The following ARL14EPL variants were observed in gnomAD, a reference collection of about 807,000 sequenced individuals.
The protein encoded by ARL14EPL is ARF like GTPase 14 effector protein like.
In ARL14EPL, 17 loss-of-function variants were observed where a neutral mutation model predicts 15.9. The ratio of observed to expected loss-of-function variants is 1.07; its 90% CI spans 0.73 to 1.60. The LOEUF (loss-of-function observed/expected upper bound fraction) is 1.60. ARL14EPL is among the 40% of genes most tolerant of loss of function. The pLI, the probability that ARL14EPL is intolerant of heterozygous loss-of-function variation, is 0.00. For synonymous variants in ARL14EPL, 78 were observed against 63.8 expected, an observed-to-expected ratio of 1.22 and a Z score of -1.06; for missense variants, 214 against 185.9, an observed-to-expected ratio of 1.15 and a Z score of -0.88.
chr5:116,054,054 AC>A lies in ARL14EPL; in HGVS notation c.140del (p.Pro47LeufsTer5). ...ERQLKCLAFR[N>X]PGPQVADFNP... is the part of the protein sequence containing the mutation. ...CAGTTAAAATGCTTGGCATTTCGAAACCCTGGACCACAGGTAGCAGACTTTA... is the reference window on the plus strand; with the variant it reads ...CAGTTAAAATGCTTGGCATTTCGAAACCTGGACCACAGGTAGCAGACTTTA... On this transcript the variant is annotated frameshift_variant, in exon 3 of 4. Coordinates refer to ENST00000686077, the MANE Select transcript of ARL14EPL (RefSeq NM_001195581.2). LOFTEE classifies it high-confidence loss of function. 1 of 1,535,546 alleles carries A rather than the reference AC, an allele frequency of 6.5e-7. No individual in the cohort carries two copies. The highest frequency in any genetic ancestry group is 8.7e-7 in the Non-Finnish European group (1 of 1,146,618).
chr5:116,034,082 A>G (rs1177699666), intron 1 of ARL14EPL, among the ~76,000 whole-genome samples: 1 of 152,238 alleles, frequency 6.6e-6, no homozygotes, highest in African/African-American at 2.4e-5. Context: ...CAGGATTCAC[A>G]GATACACATC....
At chr5:116,053,112 A>G (rs1749428641) in intron 2 of ARL14EPL, among the ~76,000 whole-genome samples, 1 of 152,170 alleles carries the variant, frequency 6.6e-6, no homozygotes, top group Non-Finnish European at 1.5e-5. Flanking sequence ...TGGGAGCCCA[A>G]GGCAGATGGT....
chr5:116,033,524 C>T (rs894277893), intron 1 of ARL14EPL, among the ~76,000 whole-genome samples: 2 of 151,990 alleles, frequency 1.3e-5, no homozygotes, highest in African/African-American at 2.4e-5. Flanking sequence ...ATTAAGATCA[C>T]CTGTAATTTT....
chr5:116,053,886 T>A (rs1309952859), intron 2 of ARL14EPL, 128 bp from the exon 3 acceptor site: 2 of 719,642 alleles, frequency 2.8e-6, no homozygotes, highest in Non-Finnish European at 4.2e-6. Flanking sequence ...AAATCGTTTA[T>A]GTCTTTGTGT....
At chr5:116,051,592 T>C (rs1749380474) in intron 2 of ARL14EPL, 31 bp downstream of exon 2, 3 of 1,485,104 alleles carry the variant, frequency 2.0e-6, no homozygotes, top group Middle Eastern at 3.4e-4. Flanking sequence ...GATTCCATGC[T>C]ACTGGGGAGT....
Position 116,058,977 on chromosome 5 carries a change from T to C in ARL14EPL, c.*30T>C. ...TCTTGTATATGGACTGATTTGTTTC[T>C]TCTTCTTACACATTTAAGTTGACCT... On this transcript the variant is annotated 3_prime_UTR_variant, in exon 4 of 4. Transcript: ENST00000686077. 6.6e-7 allele frequency: 1 copy of C among 1,522,274 alleles called. No homozygotes were observed. The highest frequency in any genetic ancestry group is 8.8e-7 in the Non-Finnish European group (1 of 1,134,748). The allele number at this position is 1,522,274 out of a possible 1,614,324, so 94.3% of individuals were successfully genotyped here. A position where few individuals can be genotyped will look rare whatever the true frequency, so the allele number is the denominator to read the frequency against.
At chr5:116,037,127 G>A (rs1289344795) in intron 1 of ARL14EPL, among the ~76,000 whole-genome samples, 1 of 152,138 alleles carries the variant, frequency 6.6e-6, no homozygotes, top group Non-Finnish European at 1.5e-5. Flanking sequence ...TACAAGGGGT[G>A]GAGCTACTCT....
chr5:116,049,347 C>A (rs1270146623), intron 1 of ARL14EPL, among the ~76,000 whole-genome samples: 1 of 152,094 alleles, frequency 6.6e-6, no homozygotes, highest in African/African-American at 2.4e-5. Flanking sequence ...TGAAACAGCT[C>A]CATATGATTT....
chr5:116,052,802 A>G (rs1034457666), intron 2 of ARL14EPL, among the ~76,000 whole-genome samples: 4 of 152,242 alleles, frequency 2.6e-5, no homozygotes, highest in Non-Finnish European at 5.9e-5. Flanking sequence ...CTAATTTGTT[A>G]CATTGAAATT....
rs940584760 is a variant in ARL14EPL, at chr5:116,034,666, G to C, written c.-10+2161G>C. On this transcript the variant is annotated intron_variant, in intron 1 of 3. Transcript: ENST00000686077. ...CAGCAGGAAAATTCTTCTACCTGCT[G>C]AGTGTCTTCTGTGGGTGATATACCA... 4.1e-5 allele frequency among the ~76,000 whole-genome samples: 6 copies of C among 145,820 alleles called. No individual in the cohort carries two copies. In the Admixed American group the frequency reaches 4.2e-4, roughly 10 times the overall value.
intron 3 of ARL14EPL, among the ~76,000 whole-genome samples, chr5:116,055,502 G>A (rs1346611096): frequency 6.6e-6 from 1 of 152,046 alleles, no homozygotes; most frequent in Non-Finnish European, 1.5e-5. Context: ...ACAGCTACAT[G>A]TACCATCATG....
At chr5:116,044,174 T>C (rs1024963098) in intron 1 of ARL14EPL, among the ~76,000 whole-genome samples, 1 of 152,214 alleles carries the variant, frequency 6.6e-6, no homozygotes, top group African/African-American at 2.4e-5. Flanking sequence ...CAAGCTCTTA[T>C]AATTGAAGAT....
chr5:116,051,186 C>T, intron 1 of ARL14EPL: 1 of 298,340 alleles, frequency 3.4e-6, no homozygotes, highest in Non-Finnish European at 6.1e-6. Context: ...CTTCTTAATC[C>T]TGCTTAAGAG....
chr5:116,033,862 G>A (rs1337455004), intron 1 of ARL14EPL, among the ~76,000 whole-genome samples: 5 of 152,210 alleles, frequency 3.3e-5, no homozygotes, highest in African/African-American at 4.8e-5. Context: ...GGAATAGTGT[G>A]TATGTGAACA....
At chr5:116,053,351 CA>C (rs35918468) in intron 2 of ARL14EPL, among the ~76,000 whole-genome samples, 9 of 131,208 alleles carry the variant, frequency 6.9e-5, no homozygotes, top group Admixed American at 1.6e-4. Context: ...GACCCTATCT[CA>C]AAAAAAAAAA....
At position 116,058,758 on chromosome 5, in the gene ARL14EPL, C is replaced by A. The variant is rs1451849344; in HGVS notation, c.270C>A (p.Leu90=). 1 of 1,535,356 alleles carries A rather than the reference C, an allele frequency of 6.5e-7. No homozygotes were observed. The highest frequency in any genetic ancestry group is 1.4e-5 in the African/African-American group (1 of 73,006). The part of the protein sequence containing the change: ...IMRKYDKSGR[L]ICNDADLCDC... Reference sequence around the variant, plus strand: ...GGAAGTATGACAAAAGTGGCAGGCTCATCTGTAATGACGCTGATCTGTGTG... The same window carrying A: ...GGAAGTATGACAAAAGTGGCAGGCTAATCTGTAATGACGCTGATCTGTGTG... Residue 90 remains leucine (L), a synonymous_variant, in exon 4 of 4, where the codon CTC becomes CTA. Coordinates refer to ENST00000686077, the MANE Select transcript of ARL14EPL (RefSeq NM_001195581.2).
chr5:116,037,008 C>A (rs1350191678), intron 1 of ARL14EPL, among the ~76,000 whole-genome samples: 1 of 152,028 alleles, frequency 6.6e-6, no homozygotes, highest in Non-Finnish European at 1.5e-5. Flanking sequence ...CTTTTCTCAG[C>A]AGTAAAATGA....
chr5:116,051,596 G>A, intron 2 of ARL14EPL, 35 bp downstream of exon 2: 1 of 1,479,416 alleles, frequency 6.8e-7, no homozygotes, highest in East Asian at 2.5e-5. Context: ...CCATGCTACT[G>A]GGGAGTGCCC....
At chr5:116,058,082 C>A (rs1749561659) in intron 3 of ARL14EPL, among the ~76,000 whole-genome samples, 2 of 152,210 alleles carry the variant, frequency 1.3e-5, no homozygotes, top group Admixed American at 6.5e-5. Flanking sequence ...AGCATCCCAC[C>A]TTCAGTCAGA....
Sources: allele counts gnomAD v4.1 joint callset (sites outside exome capture counted in the v4.1 genomes callset), GRCh38; gene constraint gnomAD v4.1.1; transcripts MANE v1.5; gene names NCBI Gene and HGNC (gene_info 2026-07-23, HGNC 2026-07-21).